The following ANKS3 variants were observed in gnomAD, a reference collection of about 807,000 sequenced individuals.
ANKS3 encodes the protein ankyrin repeat and SAM domain-containing protein 3.
Under a neutral mutation model 80.7 loss-of-function variants are expected in ANKS3, and 62 were observed. That is an observed-to-expected ratio of 0.77 (90% CI 0.63 to 0.95). The LOEUF (loss-of-function observed/expected upper bound fraction) is 0.95. Among genes scored for constraint, ANKS3 ranks in the 40% least tolerant of loss-of-function variants. The pLI is 0.00. For missense variants in ANKS3, 1,150 were observed against 883.6 expected (o/e 1.30, Z -3.82); for synonymous variants, 489 against 355.3 (o/e 1.38, Z -4.23).
In ANKS3 at chr16:4,701,531, A is replaced by G; in HGVS notation, c.1022T>C (p.Phe341Ser). 1 of 1,610,502 alleles carries G rather than the reference A, an allele frequency of 6.2e-7. No individual in the cohort carries two copies. The highest frequency in any genetic ancestry group is 1.3e-5 in the African/African-American group (1 of 74,988). The change falls in exon 10 of 18, where the codon TTC becomes TCC. Residue 341 changes from phenylalanine to serine, a missense_variant. By Grantham distance (155) the Phe-to-Ser change is radical. Transcript: ENST00000304283. ...SSSSSREEHA[F>S]CANLGPVQSS... ...CTGGACGGGCCCCAGGTTGGCACAG[A>G]AAGCATGTTCCTCTGAGGGCGGGAA...
chr16:4,710,133 G>A (rs775712249), intron 7 of ANKS3, among the ~76,000 whole-genome samples: 1 of 152,196 alleles, frequency 6.6e-6, no homozygotes, highest in African/African-American at 2.4e-5. Flanking sequence ...TGGGGGTGGG[G>A]AGGTAGTGGG....
chr16:4,727,458 G>A lies in ANKS3; in HGVS notation c.171-281C>T, dbSNP rs117192755. The stretch of plus-strand genomic sequence containing the variant: ...TTTCACACCACCAGATAGGCAGATG[G>A]CACTCAACCAGGGAATATGTGGCAA... On this transcript the variant is annotated intron_variant, in intron 3 of 17. Coordinates refer to ENST00000304283, the MANE Select transcript of ANKS3 (RefSeq NM_133450.4). 4,530 of 515,122 alleles carry A rather than the reference G, an allele frequency of 8.8e-3. 36 individuals carry two copies. The highest frequency in any genetic ancestry group is 0.013 in the Non-Finnish European group (3,592 of 283,174). The allele number at this position is 515,122 out of a possible 1,614,324, so 31.9% of individuals were successfully genotyped here.
intron 7 of ANKS3, among the ~76,000 whole-genome samples, chr16:4,711,216 A>G (rs564040508): frequency 8.0e-4 from 112 of 140,500 alleles, no homozygotes; most frequent in African/African-American, 3.0e-3. Context: ...GGATTCTCCC[A>G]CCTCAGCCTC....
intron 6 of ANKS3, among the ~76,000 whole-genome samples, chr16:4,718,696 G>A (rs1037630868): frequency 7.2e-5 from 11 of 152,178 alleles, no homozygotes; most frequent in East Asian, 1.9e-4. Flanking sequence ...CACCAGCATC[G>A]CTGGCAGGCA....
At position 4,720,479 on chromosome 16, in the gene ANKS3, C is replaced by G. The variant is rs1466263130; in HGVS notation, c.573+4271G>C. Reference sequence around the variant, plus strand: ...TCCATCTCAAAAAAAAAAAAGAAGTCTAACACCCTAAGGGGAGGGGTGTGA... The same window carrying G: ...TCCATCTCAAAAAAAAAAAAGAAGTGTAACACCCTAAGGGGAGGGGTGTGA... On this transcript the variant is annotated intron_variant, in intron 6 of 17. Coordinates refer to ENST00000304283, the MANE Select transcript of ANKS3 (RefSeq NM_133450.4). 2.0e-5 allele frequency among the ~76,000 whole-genome samples: 3 copies of G among 148,738 alleles called. No homozygotes were observed. The East Asian group carries it at 6.0e-4, about 30-fold the overall frequency.
intron 7 of ANKS3, among the ~76,000 whole-genome samples, chr16:4,713,447 G>C (rs1345909331): frequency 6.6e-6 from 1 of 151,868 alleles, no homozygotes; most frequent in Non-Finnish European, 1.5e-5. Context: ...CCTGAGAGTT[G>C]GGGGGAAAAA....
At chr16:4,699,299 C>T (rs559609784) in intron 11 of ANKS3, 123 bp from the exon 12 acceptor site, 30 of 1,356,506 alleles carry the variant, frequency 2.2e-5, no homozygotes, top group African/African-American at 4.3e-5. Context: ...TTGTGTGTGG[C>T]GCCCAGGCTG....
At chr16:4,726,265 C>G (rs1341967397) in intron 5 of ANKS3, among the ~76,000 whole-genome samples, 1 of 152,130 alleles carries the variant, frequency 6.6e-6, no homozygotes, top group Admixed American at 6.5e-5. Context: ...CGTGAGCCAC[C>G]ACGCCCGGCC....
rs765222782 is a variant in ANKS3 at position 4,700,863 on chromosome 16, T to A, written c.1284+107A>T. ...CAGGCCATGGGGATGCCACCGCCATTCTGTTCTCCTAGCAGCGCCTGGCAC... is the reference window on the plus strand; with the variant it reads ...CAGGCCATGGGGATGCCACCGCCATACTGTTCTCCTAGCAGCGCCTGGCAC... On this transcript the variant is annotated intron_variant, in intron 11 of 17. Transcript: ENST00000304283. 5.6e-6 allele frequency: 8 copies of A among 1,439,768 alleles called. No individual in the cohort carries two copies. The South Asian group carries it at 9.2e-5, about 16-fold the overall frequency. 89.2% of individuals were successfully genotyped at this position (1,439,768 alleles called of 1,614,324 possible).
chr16:4,733,920 G>A lies in ANKS3; in HGVS notation c.-71+18C>T, dbSNP rs753275728. ...CTGGCCCCGGGGCGGGTCCCTGGCCGACAAACCCGTAACTCACAGCAGTGA... is the reference window on the plus strand; with the variant it reads ...CTGGCCCCGGGGCGGGTCCCTGGCCAACAAACCCGTAACTCACAGCAGTGA... On this transcript the variant is annotated intron_variant, in intron 1 of 17. Coordinates refer to ENST00000304283, the MANE Select transcript of ANKS3 (RefSeq NM_133450.4). The A allele has an allele frequency of 5.2e-5, 51 of 985,336 alleles. No homozygotes were observed. Among genetic ancestry groups the A allele is most frequent in the Non-Finnish European group, 6.0e-5 (50 of 829,966 alleles). 61.0% of individuals were successfully genotyped at this position (985,336 alleles called of 1,614,324 possible). A position where few individuals can be genotyped will look rare whatever the true frequency, so the allele number is the denominator to read the frequency against.
intron 2 of ANKS3, among the ~76,000 whole-genome samples, chr16:4,730,952 GGCT>G (rs1255795891): frequency 1.3e-5 from 2 of 151,946 alleles, no homozygotes; most frequent in Non-Finnish European, 2.9e-5. Context: ...TATCTAAAAA[GGCT>G]GCTATTATGA....
At position 4,728,231 on chromosome 16, in the gene ANKS3, G is replaced by C. The variant is rs574569582; in HGVS notation, c.171-1054C>G. Among the ~76,000 whole-genome samples, 28 of 152,258 alleles carry C rather than the reference G, an allele frequency of 1.8e-4. No homozygotes were observed. In the East Asian group the frequency reaches 3.7e-3, roughly 20 times the overall value. On this transcript the variant is annotated intron_variant, in intron 3 of 17. Transcript: ENST00000304283. ...CAGCTAGTTTTTTGTATTTTTAGTA[G>C]AGATGGGGTTTCACCGTGTTAGCCA... is the stretch of plus-strand genomic sequence containing the variant.
intron 6 of ANKS3, among the ~76,000 whole-genome samples, chr16:4,721,284 A>G (rs1439819756): frequency 4.7e-5 from 7 of 148,428 alleles, no homozygotes; most frequent in Admixed American, 4.1e-4. Flanking sequence ...TAGCCTGGGC[A>G]ACAGAGCAAG....
At chr16:4,710,413 T>TA (rs2080422134) in intron 7 of ANKS3, among the ~76,000 whole-genome samples, 1 of 152,260 alleles carries the variant, frequency 6.6e-6, no homozygotes, top group Admixed American at 6.5e-5. Flanking sequence ...AAAAATGAGA[T>TA]AAATATTTTC....
chr16:4,709,112 T>C (rs1242894354), intron 7 of ANKS3, among the ~76,000 whole-genome samples: 1 of 151,506 alleles, frequency 6.6e-6, no homozygotes, highest in Non-Finnish European at 1.5e-5. Context: ...TTTTTTTTAA[T>C]AGAAGAAATT....
At chr16:4,698,287 G>C (rs1207381355) in intron 14 of ANKS3, 140 bp downstream of exon 14, 2 of 1,275,740 alleles carry the variant, frequency 1.6e-6, no homozygotes, top group Non-Finnish European at 2.1e-6. Context: ...GGAAGGGCCT[G>C]ATGAAATGGG....
In ANKS3 at chr16:4,701,548, G is replaced by T; in HGVS notation, c.1010-5C>A. 6.2e-7 allele frequency: 1 copy of T among 1,606,248 alleles called. No individual in the cohort carries two copies. The highest frequency in any genetic ancestry group is 1.1e-5 in the South Asian group (1 of 90,726). ...TGGCACAGAAAGCATGTTCCTCTGA[G>T]GGCGGGAAGACAGGGCGTCCGCCTG... On this transcript the variant is annotated splice_polypyrimidine_tract_variant and splice_region_variant and intron_variant, in intron 9 of 17. Transcript: ENST00000304283.
In ANKS3 at chr16:4,730,099, G is replaced by A; in HGVS notation, c.51C>T (p.Ser17=). The A allele has an allele frequency of 1.9e-6, 3 of 1,594,176 alleles. No homozygotes were observed. Among genetic ancestry groups the A allele is most frequent in the Non-Finnish European group, 2.6e-6 (3 of 1,168,244 alleles). Residue 17 remains serine (S), a synonymous_variant, in exon 3 of 18, where the codon AGC becomes AGT. Transcript: ENST00000304283. The part of the protein sequence containing the change: ...EASEPELLNR[S]LSMWHGLGTQ... ...TCCCGAGCCCGTGCCACATGGACAA[G>A]CTGCGGTTCAGGAGTTCCGGCTCGC...
chr16:4,732,732 G>A (rs1017851412), intron 1 of ANKS3, among the ~76,000 whole-genome samples: 5 of 147,926 alleles, frequency 3.4e-5, no homozygotes, highest in African/African-American at 1.2e-4. Flanking sequence ...GTCCCATCCC[G>A]AGTGGTGTGG....
Sources: allele counts gnomAD v4.1 joint callset (sites outside exome capture counted in the v4.1 genomes callset), GRCh38; gene constraint gnomAD v4.1.1; transcripts MANE v1.5; gene names NCBI Gene and HGNC (gene_info 2026-07-23, HGNC 2026-07-21).